The following DTNA variants were observed in gnomAD, a reference collection of about 807,000 sequenced individuals.
The protein encoded by DTNA is dystrobrevin alpha.
DTNA carries 43 observed loss-of-function variants against 100.7 expected under a neutral mutation model. The observed-to-expected ratio is 0.43, with a 90% CI of 0.33 to 0.55. The LOEUF is 0.55. Among genes scored for constraint, DTNA ranks in the 20% least tolerant of loss-of-function variants. The pLI is 0.04. For missense variants in DTNA, 798 were observed against 953.9 expected (o/e 0.84, Z 2.15); for synonymous variants, 349 against 347.9 (o/e 1.00, Z -0.04).
rs35456039 is a variant in DTNA, at chr18:34,824,932, TAAA to T, written c.1002-2642_1002-2640del. ...ATTTTACAGGTAGCCTTAGATACAG[TAAA>T]AAAAAAAAAAAAAAAAAATTAAATC... On this transcript the variant is annotated intron_variant, in intron 9 of 22. Transcript: ENST00000444659. Among the ~76,000 whole-genome samples, 1,098 of 96,844 alleles carry T rather than the reference TAAA, an allele frequency of 0.011. 16 individuals are homozygous for T. Among genetic ancestry groups the T allele is most frequent in the African/African-American group, 0.038 (1,016 of 26,970 alleles). The allele number at this position is 96,844 out of a possible 152,430, so 63.5% of individuals were successfully genotyped here.
intron 1 of DTNA, among the ~76,000 whole-genome samples, chr18:34,605,169 C>A (rs1020988183): frequency 6.7e-6 from 1 of 150,362 alleles, no homozygotes; most frequent in Non-Finnish European, 1.5e-5. Context: ...ACAATTTTTT[C>A]TTGGAATTTT....
At chr18:34,839,963 T>A (rs1405615794) in intron 13 of DTNA, among the ~76,000 whole-genome samples, 2 of 152,186 alleles carry the variant, frequency 1.3e-5, no homozygotes, top group Non-Finnish European at 2.9e-5. Flanking sequence ...TTGATGTTAT[T>A]AGCCGCTTTG....
upstream of DTNA, among the ~76,000 whole-genome samples, chr18:34,709,741 G>A (rs540961432): frequency 6.6e-6 from 1 of 152,246 alleles, no homozygotes; most frequent in Non-Finnish European, 1.5e-5. Flanking sequence ...TAAACACAGG[G>A]TTTTGATGAA....
intron 17 of DTNA, among the ~76,000 whole-genome samples, chr18:34,874,028 C>G (rs2150310345): frequency 6.6e-6 from 1 of 152,292 alleles, no homozygotes; most frequent in Non-Finnish European, 1.5e-5. Context: ...ATTTTTAATT[C>G]TGGGTTTTTC....
chr18:34,836,569 A>G (rs566384841), intron 11 of DTNA, among the ~76,000 whole-genome samples: 1 of 149,414 alleles, frequency 6.7e-6, no homozygotes, highest in East Asian at 2.0e-4. Flanking sequence ...AATCACTTGA[A>G]CCTTGAAGGC....
intron 1 of DTNA, among the ~76,000 whole-genome samples, chr18:34,583,674 A>G (rs2146722327): frequency 6.6e-6 from 1 of 151,986 alleles, no homozygotes; most frequent in East Asian, 1.9e-4. Context: ...TCTGCAGAGG[A>G]GATGCCAAAA....
Position 34,724,331 on chromosome 18 carries a change from G to C in DTNA, c.-2+13886G>C, listed in dbSNP as rs185740399. On this transcript the variant is annotated intron_variant, in intron 1 of 22. Coordinates refer to ENST00000444659, the MANE Select transcript of DTNA (RefSeq NM_001386795.1). ...AATGAATAGCTAAAGTCATTTCATAGCTAAAAAATCCTATGCAGCTACTAA... is the reference window on the plus strand; with the variant it reads ...AATGAATAGCTAAAGTCATTTCATACCTAAAAAATCCTATGCAGCTACTAA... Among the ~76,000 whole-genome samples the C allele has an allele frequency of 2.0e-3, 311 of 152,276 alleles. 2 individuals carry two copies. Among genetic ancestry groups the C allele is most frequent in the African/African-American group, 7.2e-3 (299 of 41,542 alleles).
chr18:34,854,028 A>C (rs2096522792), intron 15 of DTNA, among the ~76,000 whole-genome samples: 1 of 152,174 alleles, frequency 6.6e-6, no homozygotes, highest in African/African-American at 2.4e-5. Flanking sequence ...GGCATTGGAG[A>C]AAGTGTATGA....
At chr18:34,833,270 C>G (rs1453572432) in intron 11 of DTNA, among the ~76,000 whole-genome samples, 1 of 152,098 alleles carries the variant, frequency 6.6e-6, no homozygotes, top group Non-Finnish European at 1.5e-5. Flanking sequence ...TACCTTTGGA[C>G]CCACCCCCTA....
chr18:34,533,358 T>G, intron 1 of DTNA, among the ~76,000 whole-genome samples: 2 of 139,898 alleles, frequency 1.4e-5, no homozygotes, highest in African/African-American at 2.7e-5. Context: ...GAGACAAGAG[T>G]GAAACTCCAT....
intron 3 of DTNA, among the ~76,000 whole-genome samples, chr18:34,775,496 A>T (rs1374259528): frequency 6.6e-6 from 1 of 152,132 alleles, no homozygotes; most frequent in African/African-American, 2.4e-5. Context: ...AAAAATAAAA[A>T]TAAATAAATA....
At chr18:34,589,821 A>AT in intron 1 of DTNA, among the ~76,000 whole-genome samples, 1 of 151,918 alleles carries the variant, frequency 6.6e-6, no homozygotes, top group Middle Eastern at 3.4e-3. Context: ...TATATATTTG[A>AT]TTTTTTAAAA....
intron 1 of DTNA, among the ~76,000 whole-genome samples, chr18:34,704,591 T>C (rs150634454): frequency 6.6e-6 from 1 of 152,342 alleles, no homozygotes; most frequent in African/African-American, 2.4e-5. Context: ...TATATTGTTA[T>C]AGCTACAGTT....
intron 1 of DTNA, among the ~76,000 whole-genome samples, chr18:34,684,156 T>A (rs1050582865): frequency 2.6e-5 from 4 of 152,112 alleles, no homozygotes; most frequent in Admixed American, 2.6e-4. Flanking sequence ...GAGATTTTTA[T>A]GTATATATAT....
chr18:34,581,701 C>T (rs1044222300), intron 1 of DTNA, among the ~76,000 whole-genome samples: 2 of 149,906 alleles, frequency 1.3e-5, no homozygotes, highest in African/African-American at 4.9e-5. Context: ...GCTCACTGCA[C>T]CCTCCACCTC....
intron 1 of DTNA, among the ~76,000 whole-genome samples, chr18:34,745,605 G>A (rs532367038): frequency 7.9e-5 from 12 of 152,264 alleles, no homozygotes; most frequent in Admixed American, 6.5e-5. Flanking sequence ...CATGAGGAGC[G>A]CATCACTGTC....
intron 1 of DTNA, among the ~76,000 whole-genome samples, chr18:34,693,777 TG>T (rs2080120836): frequency 6.6e-6 from 1 of 151,446 alleles, no homozygotes; most frequent in South Asian, 2.1e-4. Context: ...TGTGTGTGTG[TG>T]TGTGTGTAAA....
intron 3 of DTNA, among the ~76,000 whole-genome samples, chr18:34,778,699 G>A (rs2094174886): frequency 6.6e-6 from 1 of 152,182 alleles, no homozygotes; most frequent in African/African-American, 2.4e-5. Flanking sequence ...ACATGGTTAA[G>A]TGACCTTCAT....
chr18:34,539,472 C>T (rs2044041504), intron 1 of DTNA, among the ~76,000 whole-genome samples: 3 of 151,832 alleles, frequency 2.0e-5, no homozygotes, highest in Admixed American at 2.0e-4. Context: ...AAATTAGGGG[C>T]AATCTAAATT....
Sources: gnomAD v4.1 joint callset for allele counts (sites outside exome capture counted in the v4.1 genomes callset) on GRCh38, gnomAD v4.1.1 for gene constraint, MANE v1.5 for transcripts, NCBI Gene and HGNC (gene_info 2026-07-23, HGNC 2026-07-21) for gene names.